LSAMP: variants seen among roughly 807,000 people sequenced by gnomAD.
The protein encoded by LSAMP is limbic system associated membrane protein, also known as limbic system-associated membrane protein.
LSAMP carries 7 observed loss-of-function variants against 38.6 expected under a neutral mutation model. The observed-to-expected ratio is 0.18, with a 90% CI of 0.10 to 0.34. The LOEUF (loss-of-function observed/expected upper bound fraction) is 0.34, where lower values mean the gene tolerates loss of function less well. LSAMP is among the 10% of genes least tolerant of loss of function. LSAMP has a pLI of 1.00. For missense variants in LSAMP, 313 were observed against 420.0 expected (o/e 0.75, Z 2.23); for synonymous variants, 154 against 166.8 (o/e 0.92, Z 0.59).
At chr3:116,428,106 C>G (rs2049228446) in intron 1 of LSAMP, among the ~76,000 whole-genome samples, 1 of 152,212 alleles carries the variant, frequency 6.6e-6, no homozygotes, top group Admixed American at 6.5e-5. Context: ...CTCCGTCTCT[C>G]TACCCTCCTG....
chr3:115,997,450 G>A (rs1939846125), intron 3 of LSAMP, among the ~76,000 whole-genome samples: 1 of 151,856 alleles, frequency 6.6e-6, no homozygotes, highest in Non-Finnish European at 1.5e-5. Context: ...CATAAGGGGT[G>A]TGTGTGAGCT....
chr3:116,360,016 C>A (rs78034381), intron 1 of LSAMP: 20,961 of 153,940 alleles, frequency 0.14, 1,927 homozygotes, highest in Admixed American at 0.19. Flanking sequence ...GCCAAGATGG[C>A]CGAATAGGAA....
intron 1 of LSAMP, among the ~76,000 whole-genome samples, chr3:116,319,471 C>T (rs2107727851): frequency 6.6e-6 from 1 of 152,116 alleles, no homozygotes; most frequent in East Asian, 1.9e-4. Flanking sequence ...ATCATACTAG[C>T]CTATGTAACA....
chr3:116,133,104 T>C (rs1709170715), intron 1 of LSAMP, among the ~76,000 whole-genome samples: 2 of 152,180 alleles, frequency 1.3e-5, no homozygotes, highest in South Asian at 2.1e-4. Flanking sequence ...GAAAAAAGAT[T>C]TGAAAGATTA....
chr3:116,423,114 T>C (rs959240142), intron 1 of LSAMP, among the ~76,000 whole-genome samples: 2 of 152,238 alleles, frequency 1.3e-5, no homozygotes, highest in African/African-American at 4.8e-5. Context: ...AACAGATTAA[T>C]GGATGACTAG....
At chr3:116,250,289 A>G (rs7642172) in intron 1 of LSAMP, among the ~76,000 whole-genome samples, 117,198 of 152,040 alleles carry the variant, frequency 0.77, 45,750 homozygotes, top group Non-Finnish European at 0.84. Flanking sequence ...TGCTGCCTGA[A>G]ATATAATGTC....
chr3:116,050,907 C>T (rs1244732793), intron 2 of LSAMP, among the ~76,000 whole-genome samples: 3 of 152,094 alleles, frequency 2.0e-5, no homozygotes, highest in South Asian at 2.1e-4. Flanking sequence ...GGCCATAGTA[C>T]GGGGCACACC....
At chr3:116,147,824 T>C (rs1709523839) in intron 1 of LSAMP, among the ~76,000 whole-genome samples, 1 of 151,970 alleles carries the variant, frequency 6.6e-6, no homozygotes, top group South Asian at 2.1e-4. Flanking sequence ...TTCTATGTTT[T>C]GAGCTTCATC....
intron 1 of LSAMP, among the ~76,000 whole-genome samples, chr3:116,392,455 G>A (rs557165619): frequency 4.6e-5 from 7 of 152,338 alleles, no homozygotes; most frequent in East Asian, 1.9e-4. Context: ...TCACGGCAAC[G>A]CTGACATGCC....
rs1346977070 is a variant in LSAMP, at chr3:116,256,069, G to A, written c.156-169513C>T. On this transcript the variant is annotated intron_variant, in intron 1 of 6. Transcript: ENST00000490035. ...TAAAATGCGTAATTAATTTCTAAACGCTTCCATTGAGCGGTGCAATTTGTC... is the reference window on the plus strand; with the variant it reads ...TAAAATGCGTAATTAATTTCTAAACACTTCCATTGAGCGGTGCAATTTGTC... Among the ~76,000 whole-genome samples the A allele has an allele frequency of 3.9e-5, 6 of 152,030 alleles. No individual in the cohort carries two copies. The East Asian group carries it at 5.8e-4, about 15-fold the overall frequency.
chr3:116,005,657 C>G (rs1176767056), intron 3 of LSAMP, among the ~76,000 whole-genome samples: 1 of 152,208 alleles, frequency 6.6e-6, no homozygotes, highest in Non-Finnish European at 1.5e-5. Context: ...GGGGAATTAT[C>G]TCCTCTAGCA....
intron 1 of LSAMP, among the ~76,000 whole-genome samples, chr3:116,211,578 A>T (rs949966507): frequency 2.6e-5 from 4 of 152,246 alleles, no homozygotes; most frequent in African/African-American, 9.6e-5. Context: ...AAGGGATTTT[A>T]GGGGGTCCAA....
intron 6 of LSAMP, among the ~76,000 whole-genome samples, chr3:115,829,107 G>A (rs955791905): frequency 6.6e-6 from 1 of 152,118 alleles, no homozygotes; most frequent in Non-Finnish European, 1.5e-5. Flanking sequence ...TTTAAATAAT[G>A]GTGTGAATAA....
chr3:116,174,654 C>A (rs1338819611), intron 1 of LSAMP, among the ~76,000 whole-genome samples: 1 of 151,960 alleles, frequency 6.6e-6, no homozygotes, highest in East Asian at 1.9e-4. Context: ...CTTATTACCT[C>A]ATAGGGTGAT....
chr3:116,108,396 C>T (rs1436170909), intron 1 of LSAMP, among the ~76,000 whole-genome samples: 1 of 152,032 alleles, frequency 6.6e-6, no homozygotes, highest in East Asian at 1.9e-4. Flanking sequence ...AGAAGCCTGG[C>T]CGTCAATACC....
At chr3:116,224,710 G>T (rs559186518) in intron 1 of LSAMP, among the ~76,000 whole-genome samples, 329 of 152,244 alleles carry the variant, frequency 2.2e-3, no homozygotes, top group African/African-American at 7.4e-3. Context: ...CCAGTCAAAA[G>T]GTACAATGGA....
At chr3:116,342,759 G>A (rs1349231027) in intron 1 of LSAMP, among the ~76,000 whole-genome samples, 1 of 152,036 alleles carries the variant, frequency 6.6e-6, no homozygotes, top group Non-Finnish European at 1.5e-5. Context: ...TTATGACATA[G>A]GAAGCTGCAT....
At chr3:116,402,565 T>C (rs909107679) in intron 1 of LSAMP, among the ~76,000 whole-genome samples, 1 of 152,132 alleles carries the variant, frequency 6.6e-6, no homozygotes, top group Admixed American at 6.5e-5. Flanking sequence ...AAAAGTATGC[T>C]AATAATTAAT....
intron 6 of LSAMP, among the ~76,000 whole-genome samples, chr3:115,816,982 G>A (rs1433215910): frequency 6.6e-6 from 1 of 152,192 alleles, no homozygotes; most frequent in South Asian, 2.1e-4. Flanking sequence ...ATAATAGAAT[G>A]TGTCCGATCC....
Sources: gnomAD v4.1 joint callset for allele counts (sites outside exome capture counted in the v4.1 genomes callset) on GRCh38, gnomAD v4.1.1 for gene constraint, MANE v1.5 for transcripts, NCBI Gene and HGNC (gene_info 2026-07-23, HGNC 2026-07-21) for gene names.